Variants in TAFA1 observed in about 807,000 individuals in gnomAD.
TAFA1 encodes the protein TAFA chemokine like family member 1, also known as chemokine-like protein TAFA-1.
A neutral mutation model predicts 18.5 loss-of-function variants in TAFA1; 4 were observed. That is an observed-to-expected ratio of 0.22 (90% CI 0.11 to 0.49). The LOEUF is 0.49. Among genes scored for constraint, TAFA1 ranks in the 20% least tolerant of loss-of-function variants. TAFA1 has a pLI of 0.98. For missense variants in TAFA1, 147 were observed against 169.0 expected, an observed-to-expected ratio of 0.87 and a Z score of 0.72; for synonymous variants, 56 against 55.2, an observed-to-expected ratio of 1.01 and a Z score of -0.06.
chr3:68,458,708 C>A (rs1225779763), intron 3 of TAFA1, among the ~76,000 whole-genome samples: 1 of 152,014 alleles, frequency 6.6e-6, no homozygotes, highest in Non-Finnish European at 1.5e-5. Context: ...TACAAACATT[C>A]CATATGAAGG....
intron 2 of TAFA1, among the ~76,000 whole-genome samples, chr3:68,339,944 C>A (rs1211017686): frequency 1.3e-5 from 2 of 152,172 alleles, no homozygotes; most frequent in Non-Finnish European, 2.9e-5. Context: ...TGAGACAGCT[C>A]CCACAACCAT....
chr3:68,111,185 T>C (rs1389999959), intron 2 of TAFA1, among the ~76,000 whole-genome samples: 1 of 152,314 alleles, frequency 6.6e-6, no homozygotes, highest in East Asian at 1.9e-4. Flanking sequence ...TAACCAGGTA[T>C]ATTATGCTGC....
At chr3:68,533,860 G>C (rs1428122121) in intron 3 of TAFA1, among the ~76,000 whole-genome samples, 1 of 152,148 alleles carries the variant, frequency 6.6e-6, no homozygotes, top group Admixed American at 6.6e-5. Context: ...CTTTGGCATA[G>C]TGAGTTTGTG....
chr3:68,499,395 A>G (rs1251387853), intron 3 of TAFA1, among the ~76,000 whole-genome samples: 2 of 140,302 alleles, frequency 1.4e-5, no homozygotes, highest in Non-Finnish European at 3.1e-5. Flanking sequence ...GTTTTTGTTT[A>G]TTGTTTGGAG....
chr3:68,454,205 T>C (rs1290771309), intron 3 of TAFA1, among the ~76,000 whole-genome samples: 1 of 152,216 alleles, frequency 6.6e-6, no homozygotes, highest in Non-Finnish European at 1.5e-5. Flanking sequence ...CTATAAGAAA[T>C]ACAGGATCAT....
intron 3 of TAFA1, among the ~76,000 whole-genome samples, chr3:68,504,586 A>G (rs1207394330): frequency 2.0e-5 from 3 of 152,196 alleles, no homozygotes; most frequent in Non-Finnish European, 4.4e-5. Flanking sequence ...TCATGTCACT[A>G]TGTATCAAGT....
intron 2 of TAFA1, among the ~76,000 whole-genome samples, chr3:68,032,315 G>C (rs1020313222): frequency 6.6e-6 from 1 of 151,894 alleles, no homozygotes; most frequent in Non-Finnish European, 1.5e-5. Context: ...ATCAAATGTT[G>C]GTATATTTAG....
At chr3:68,033,671 G>GA (rs142379372) in intron 2 of TAFA1, among the ~76,000 whole-genome samples, 28 of 152,216 alleles carry the variant, frequency 1.8e-4, no homozygotes, top group African/African-American at 6.0e-4. Flanking sequence ...TGGATGGAAT[G>GA]AAAAAAATTA....
chr3:68,442,163 G>A (rs1371981332), intron 3 of TAFA1, among the ~76,000 whole-genome samples: 6 of 152,018 alleles, frequency 3.9e-5, no homozygotes, highest in Admixed American at 6.6e-5. Flanking sequence ...TCCATTTTCT[G>A]TTGCTTATAA....
chr3:68,310,918 T>C (rs1248689374), intron 2 of TAFA1, among the ~76,000 whole-genome samples: 1 of 152,122 alleles, frequency 6.6e-6, no homozygotes, highest in Non-Finnish European at 1.5e-5. Context: ...ATTATATTAG[T>C]CCATTTTCAT....
At chr3:68,455,178 A>G (rs1334768175) in intron 3 of TAFA1, among the ~76,000 whole-genome samples, 1 of 152,120 alleles carries the variant, frequency 6.6e-6, no homozygotes, top group African/African-American at 2.4e-5. Flanking sequence ...AAAATTCTTC[A>G]TTCTCCTCAT....
chr3:68,238,790 A>G (rs2066961255), intron 2 of TAFA1, among the ~76,000 whole-genome samples: 1 of 152,172 alleles, frequency 6.6e-6, no homozygotes, highest in Non-Finnish European at 1.5e-5. Flanking sequence ...GCCTCAATCA[A>G]TGCATAATTA....
intron 2 of TAFA1, among the ~76,000 whole-genome samples, chr3:68,284,737 G>A (rs2067964450): frequency 1.3e-5 from 2 of 151,908 alleles, no homozygotes; most frequent in Non-Finnish European, 2.9e-5. Context: ...AGACTATCCT[G>A]GGCGACATAG....
chr3:68,441,524 A>T (rs1208042632), intron 3 of TAFA1, among the ~76,000 whole-genome samples: 1 of 152,170 alleles, frequency 6.6e-6, no homozygotes, highest in East Asian at 1.9e-4. Flanking sequence ...ATGCAACCTG[A>T]ACTGCCTATC....
At chr3:68,508,950 A>G (rs2072806559) in intron 3 of TAFA1, among the ~76,000 whole-genome samples, 1 of 151,984 alleles carries the variant, frequency 6.6e-6, no homozygotes, top group African/African-American at 2.4e-5. Flanking sequence ...GCCCAAAGAT[A>G]GCATCATGGT....
At chr3:68,350,887 C>G (rs2069253746) in intron 2 of TAFA1, among the ~76,000 whole-genome samples, 2 of 152,052 alleles carry the variant, frequency 1.3e-5, no homozygotes, top group Non-Finnish European at 2.9e-5. Flanking sequence ...AGACCAAGAC[C>G]CTTGTAGCTG....
At chr3:68,248,994 A>G (rs2067139625) in intron 2 of TAFA1, among the ~76,000 whole-genome samples, 1 of 152,038 alleles carries the variant, frequency 6.6e-6, no homozygotes, top group African/African-American at 2.4e-5. Flanking sequence ...TCACGGTATG[A>G]AAGCCCCTAA....
At chr3:68,540,828 G>A (rs2073360693) in intron 4 of TAFA1, among the ~76,000 whole-genome samples, 1 of 152,102 alleles carries the variant, frequency 6.6e-6, no homozygotes, top group Non-Finnish European at 1.5e-5. Context: ...CTACTTTTTT[G>A]AGACCAATGT....
In TAFA1 at chr3:68,510,833, G is replaced by A. The variant is rs75818899; in HGVS notation, c.260-27923G>A. Among the ~76,000 whole-genome samples, 1,224 of 151,652 alleles carry A rather than the reference G, an allele frequency of 8.1e-3. 12 individuals are homozygous for A. Among genetic ancestry groups the A allele is most frequent in the African/African-American group, 0.028 (1,147 of 41,006 alleles). On this transcript the variant is annotated intron_variant, in intron 3 of 4. Coordinates refer to ENST00000478136, the MANE Select transcript of TAFA1 (RefSeq NM_213609.4). The stretch of plus-strand genomic sequence containing the variant: ...AAAATAAAAATGCAAGAAGGTGACA[G>A]GTTTATTGGGTTCTGCAAAAAAATG...
Sources: gnomAD v4.1 joint callset for allele counts (sites outside exome capture counted in the v4.1 genomes callset) on GRCh38, gnomAD v4.1.1 for gene constraint, MANE v1.5 for transcripts, NCBI Gene and HGNC (gene_info 2026-07-23, HGNC 2026-07-21) for gene names.